The following WDCP variants were observed in gnomAD, a reference collection of about 807,000 sequenced individuals.
WDCP encodes WD repeat and coiled coil containing, also known as WD repeat and coiled-coil-containing protein.
Under a neutral mutation model 41.6 loss-of-function variants are expected in WDCP, and 19 were observed. That is an observed-to-expected ratio of 0.46 (90% CI 0.32 to 0.67). The LOEUF is 0.67. Ranked by LOEUF, WDCP falls within the 30% of genes least tolerant of loss-of-function variation. The probability of loss-of-function intolerance (pLI) is 0.04; values close to 1 mark genes in which losing one functional copy is unlikely to be tolerated. For missense variants in WDCP, 802 were observed against 850.7 expected, an observed-to-expected ratio of 0.94 and a Z score of 0.71; for synonymous variants, 302 against 320.8, an observed-to-expected ratio of 0.94 and a Z score of 0.63.
intron 2 of WDCP, among the ~76,000 whole-genome samples, chr2:24,033,494 A>C (rs1663158010): frequency 6.6e-6 from 1 of 152,208 alleles, no homozygotes; most frequent in African/African-American, 2.4e-5. Context: ...TAGTACCAAA[A>C]GTTTGGGAGG....
In WDCP at chr2:24,039,050, C is replaced by G. The variant is rs753935659; in HGVS notation, c.445G>C (p.Val149Leu). The stretch of plus-strand genomic sequence containing the variant: ...CCCTGGGTGTTGATGTCTGCCTTTA[C>G]CTGGGAATCATCAGAGTGAACATTA... ...FPNVHSDDSQVKADINTQGRI... is the reference protein window; with the variant it reads ...FPNVHSDDSQLKADINTQGRI... Residue 149 changes from valine (V) to leucine (L), a missense_variant, in exon 2 of 4, where the codon GTA becomes CTA. Coordinates refer to ENST00000295148, the MANE Select transcript of WDCP (RefSeq NM_025203.3). 1.5e-5 allele frequency: 25 copies of G among 1,614,144 alleles called. No homozygotes were observed. The highest frequency in any genetic ancestry group is 2.7e-5 in the African/African-American group (2 of 75,042).
intron 2 of WDCP, chr2:24,033,327 C>T (rs1558331904): frequency 9.2e-6 from 3 of 324,560 alleles, no homozygotes; most frequent in South Asian, 8.7e-5. Context: ...AAAAAAATGC[C>T]GAGAGAGTGT....
At chr2:24,036,101 T>TAAA (rs1553317301) in intron 2 of WDCP, among the ~76,000 whole-genome samples, 1 of 148,288 alleles carries the variant, frequency 6.7e-6, no homozygotes, top group African/African-American at 2.5e-5. Context: ...AATAAATAAA[T>TAAA]AAATAAAATA....
intron 3 of WDCP, among the ~76,000 whole-genome samples, 167 bp downstream of exon 3, chr2:24,032,662 C>T (rs1663129712): frequency 6.6e-6 from 1 of 152,060 alleles, no homozygotes; most frequent in Admixed American, 6.6e-5. Flanking sequence ...GCCTGGGCAA[C>T]AGAGCAAGAC....
Position 24,030,803 on chromosome 2 carries a change from A to G in WDCP, c.*130T>C. 1 of 697,298 alleles carries G rather than the reference A, an allele frequency of 1.4e-6. No individual in the cohort carries two copies. Among genetic ancestry groups the G allele is most frequent in the Non-Finnish European group, 2.4e-6 (1 of 410,072 alleles). The allele number at this position is 697,298 out of a possible 1,614,324, so 43.2% of individuals were successfully genotyped here. ...AGCTCAGGGGAAACAGGGGGAAACCAGGAGAGCCGACCATGGCAAGCGCTT... is the reference window on the plus strand; with the variant it reads ...AGCTCAGGGGAAACAGGGGGAAACCGGGAGAGCCGACCATGGCAAGCGCTT... On this transcript the variant is annotated 3_prime_UTR_variant, in exon 4 of 4. Transcript: ENST00000295148.
chr2:24,038,979 C>T lies in WDCP; in HGVS notation c.516G>A (p.Val172=), dbSNP rs1228513321. The T allele has an allele frequency of 1.9e-6, 3 of 1,614,216 alleles. No individual in the cohort carries two copies. The highest frequency in any genetic ancestry group is 1.7e-6 in the Non-Finnish European group (2 of 1,180,048). ...ACWTQDGLRL[V]VAVGSSLHSY... ...AATGCAGGCTGCTGCCTACTGCCAC[C>T]ACCAGCCTCAGGCCATCCTGGGTCC... is the stretch of plus-strand genomic sequence containing the variant. The change falls in exon 2 of 4, where the codon GTG becomes GTA. Residue 172 remains valine (V), a synonymous_variant. Transcript: ENST00000295148.
chr2:24,032,000 G>C (rs1663111216), intron 3 of WDCP, among the ~76,000 whole-genome samples: 1 of 152,166 alleles, frequency 6.6e-6, no homozygotes, highest in Non-Finnish European at 1.5e-5. Flanking sequence ...TAGGCTGTAA[G>C]TTCCCTAAGG....
intron 1 of WDCP, among the ~76,000 whole-genome samples, chr2:24,044,144 C>T (rs72781696): frequency 0.16 from 23,898 of 152,076 alleles, 2,097 homozygotes; most frequent in South Asian, 0.2. Context: ...CAATTACATC[C>T]AAGTCGATTT....
In WDCP at chr2:24,038,322, T is replaced by C. The variant is rs775908648; in HGVS notation, c.1173A>G (p.Ile391Met). 2 of 1,614,222 alleles carry C rather than the reference T, an allele frequency of 1.2e-6. No individual in the cohort carries two copies. Among genetic ancestry groups the C allele is most frequent in the African/African-American group, 1.3e-5 (1 of 75,076 alleles). ...GTAATAGTTGGTCTGTCAAGAAACATATCCCTTTTGGTCTTTCAGTGTTCT... is the reference window on the plus strand; with the variant it reads ...GTAATAGTTGGTCTGTCAAGAAACACATCCCTTTTGGTCTTTCAGTGTTCT... ...RLENTERPKG[I>M]CFLTDQLLLI... Residue 391 changes from isoleucine to methionine, a missense_variant, in exon 2 of 4, where the codon ATA becomes ATG. Ile to Met is a conservative substitution (Grantham distance 10, BLOSUM62 1). Transcript: ENST00000295148.
At chr2:24,035,751 T>C (rs1019369208) in intron 2 of WDCP, among the ~76,000 whole-genome samples, 9 of 150,886 alleles carry the variant, frequency 6.0e-5, no homozygotes, top group East Asian at 2.0e-4. Flanking sequence ...CTTGTCTCTA[T>C]AGTTAAAAAA....
At chr2:24,039,607 G>A (rs747973221) in intron 1 of WDCP, 95 bp from the exon 2 acceptor site, 6 of 1,098,962 alleles carry the variant, frequency 5.5e-6, no homozygotes, top group Non-Finnish European at 7.7e-6. Flanking sequence ...CCCCTTCCCA[G>A]GTTAATAATG....
intron 1 of WDCP, among the ~76,000 whole-genome samples, chr2:24,043,235 C>T (rs973812120): frequency 6.6e-6 from 1 of 152,172 alleles, no homozygotes; most frequent in African/African-American, 2.4e-5. Flanking sequence ...ACTTGGGAGG[C>T]TGAGACACGA....
At chr2:24,032,555 C>A (rs530742857) in intron 3 of WDCP, among the ~76,000 whole-genome samples, 1 of 152,010 alleles carries the variant, frequency 6.6e-6, no homozygotes, top group Admixed American at 6.6e-5. Context: ...GTAGTGAACA[C>A]CTATAGTTCT....
At chr2:24,034,057 T>C (rs545806463) in intron 2 of WDCP, among the ~76,000 whole-genome samples, 1 of 152,394 alleles carries the variant, frequency 6.6e-6, no homozygotes, top group African/African-American at 2.4e-5. Flanking sequence ...GGGGAAACTA[T>C]TTCTTGCTTT....
At chr2:24,033,400 A>C in intron 2 of WDCP, 2 of 243,790 alleles carry the variant, frequency 8.2e-6, no homozygotes, top group South Asian at 9.6e-5. Context: ...AAATTCACAT[A>C]GCTTAGAAAA....
chr2:24,043,180 A>G (rs1362885595), intron 1 of WDCP, among the ~76,000 whole-genome samples: 2 of 152,056 alleles, frequency 1.3e-5, no homozygotes, highest in Non-Finnish European at 2.9e-5. Context: ...CTAAAAATAC[A>G]AAAAAATTAG....
At chr2:24,031,427 C>A (rs999531729) in intron 3 of WDCP, among the ~76,000 whole-genome samples, 2 of 152,172 alleles carry the variant, frequency 1.3e-5, no homozygotes, top group Non-Finnish European at 2.9e-5. Context: ...AAGAAAACAA[C>A]CATGCTCCAC....
At chr2:24,032,783 GGGAGGCAAGGATGTTA>G in intron 3 of WDCP, 30 bp downstream of exon 3, 2 of 1,048,582 alleles carry the variant, frequency 1.9e-6, no homozygotes, top group Non-Finnish European at 3.0e-6. Context: ...CAGATGGTGG[GGGAGGCAAGGATGTTA>G]GCTAGGGTCA....
At chr2:24,047,103 C>T (rs543005827) in intron 1 of WDCP, among the ~76,000 whole-genome samples, 1 of 152,056 alleles carries the variant, frequency 6.6e-6, no homozygotes, top group African/African-American at 2.4e-5. Context: ...ATTCACGAGT[C>T]ACGGTCATAA....
Sources: gnomAD v4.1 joint callset for allele counts (sites outside exome capture counted in the v4.1 genomes callset) on GRCh38, gnomAD v4.1.1 for gene constraint, MANE v1.5 for transcripts, NCBI Gene and HGNC (gene_info 2026-07-23, HGNC 2026-07-21) for gene names.